The following SLC35D1 variants were observed in gnomAD, a reference collection of about 807,000 sequenced individuals.
SLC35D1 encodes solute carrier family 35 member D1, also known as nucleotide sugar transporter SLC35D1.
A neutral mutation model predicts 46.7 loss-of-function variants in SLC35D1; 31 were observed. The observed-to-expected ratio is 0.66, with a 90% CI of 0.50 to 0.90. The LOEUF (loss-of-function observed/expected upper bound fraction) is 0.90, where lower values mean the gene tolerates loss of function less well. Among genes scored for constraint, SLC35D1 ranks in the 40% least tolerant of loss-of-function variants. The pLI, the probability that SLC35D1 is intolerant of heterozygous loss-of-function variation, is 0.00. For missense variants in SLC35D1, 397 were observed against 426.2 expected, an observed-to-expected ratio of 0.93 and a Z score of 0.60; for synonymous variants, 195 against 164.6, an observed-to-expected ratio of 1.18 and a Z score of -1.41.
intron 11 of SLC35D1, among the ~76,000 whole-genome samples, chr1:67,005,291 C>A (rs1381381775): frequency 6.6e-6 from 1 of 152,156 alleles, no homozygotes; most frequent in South Asian, 2.1e-4. Context: ...TCATCTTCTG[C>A]CTAACCACTT....
At chr1:67,012,677 A>G (rs549890217) in intron 10 of SLC35D1, among the ~76,000 whole-genome samples, 65 of 152,292 alleles carry the variant, frequency 4.3e-4, no homozygotes, top group African/African-American at 1.4e-3. Flanking sequence ...TGACAAAATT[A>G]AAAGAGCAAA....
downstream of SLC35D1, among the ~76,000 whole-genome samples, chr1:66,997,378 A>T (rs1667248990): frequency 6.6e-6 from 1 of 150,772 alleles, no homozygotes; most frequent in African/African-American, 2.4e-5. Context: ...GGTGGTATGC[A>T]CCTCTACTCC....
At chr1:67,014,456 G>C (rs542576710) in intron 10 of SLC35D1, among the ~76,000 whole-genome samples, 2 of 151,930 alleles carry the variant, frequency 1.3e-5, no homozygotes, top group African/African-American at 4.8e-5. Context: ...AAAAACCAAA[G>C]CTATAAAGTC....
At chr1:66,995,479 A>C (rs569834937), downstream of SLC35D1, among the ~76,000 whole-genome samples, 1 of 108,384 alleles carries the variant, frequency 9.2e-6, no homozygotes, top group African/African-American at 3.9e-5. Flanking sequence ...AAAAAAAAAA[A>C]AAACAGACCA....
At chr1:67,011,599 C>A (rs986064805) in intron 10 of SLC35D1, among the ~76,000 whole-genome samples, 1 of 152,220 alleles carries the variant, frequency 6.6e-6, no homozygotes, top group South Asian at 2.1e-4. Flanking sequence ...CCTCCCACCT[C>A]AGCCTCCCAA....
chr1:67,041,740 T>C (rs1385166464), intron 8 of SLC35D1, among the ~76,000 whole-genome samples: 4 of 152,196 alleles, frequency 2.6e-5, no homozygotes, highest in Non-Finnish European at 5.9e-5. Flanking sequence ...AGTTGTTCTT[T>C]ATAAGGTTAA....
chr1:67,013,737 G>A (rs1018462816), intron 10 of SLC35D1, among the ~76,000 whole-genome samples: 22 of 152,250 alleles, frequency 1.4e-4, no homozygotes, highest in African/African-American at 4.8e-4. Context: ...ACTTGTGTGT[G>A]TGTGAGAGAT....
In SLC35D1 at chr1:67,053,904, A is replaced by G. The variant is rs763314522; in HGVS notation, c.110T>C (p.Leu37Pro). Residue 37 changes from leucine to proline, a missense_variant, in exon 1 of 12, where the codon CTG becomes CCG. By Grantham distance (98) the Leu-to-Pro change is moderately conservative. Coordinates refer to ENST00000235345, the MANE Select transcript of SLC35D1 (RefSeq NM_015139.3). The part of the protein sequence containing the change: ...EELGMASAET[L>P]TVFLKLLAAG... Reference sequence around the variant, plus strand: ...GGCCAGCAGCTTCAGAAACACGGTCAGCGTTTCGGCCGACGCCATCCCCAG... The same window carrying G: ...GGCCAGCAGCTTCAGAAACACGGTCGGCGTTTCGGCCGACGCCATCCCCAG... 1 of 1,613,772 alleles carries G rather than the reference A, an allele frequency of 6.2e-7. No homozygotes were observed. The highest frequency in any genetic ancestry group is 8.5e-7 in the Non-Finnish European group (1 of 1,179,726).
the SLC35D1 span, chr1:66,984,642 T>C: frequency 1.9e-6 from 3 of 1,613,838 alleles, no homozygotes; most frequent in East Asian, 2.2e-5. Flanking sequence ...TACACATTAA[T>C]GGACCAACAG....
chr1:67,019,909 C>G (rs1009227652), intron 10 of SLC35D1, among the ~76,000 whole-genome samples: 2 of 152,138 alleles, frequency 1.3e-5, no homozygotes, highest in Admixed American at 6.6e-5. Flanking sequence ...TTGGAAATGT[C>G]AGACACAGCT....
At chr1:67,029,862 G>C in intron 8 of SLC35D1, among the ~76,000 whole-genome samples, 1 of 152,128 alleles carries the variant, frequency 6.6e-6, no homozygotes. Flanking sequence ...CATTTTAACT[G>C]TTTCTTACAC....
At chr1:67,045,031 C>CAAA (rs919841257) in intron 7 of SLC35D1, among the ~76,000 whole-genome samples, 1 of 144,818 alleles carries the variant, frequency 6.9e-6, no homozygotes, top group African/African-American at 2.5e-5. Context: ...TGTACGGCAG[C>CAAA]AAAAAAAAAA....
At chr1:66,988,874 C>G in the SLC35D1 span, among the ~76,000 whole-genome samples, 8 of 152,180 alleles carry the variant, frequency 5.3e-5, no homozygotes, top group Admixed American at 5.2e-4. Context: ...TGCGGCATGC[C>G]CTGTTCTTCA....
In SLC35D1 at chr1:67,000,021, G is replaced by C. The variant is rs758329945; in HGVS notation, c.*4319C>G. 3 of 151,804 alleles carry C rather than the reference G, an allele frequency of 2.0e-5. No homozygotes were observed. The highest frequency in any genetic ancestry group is 4.4e-5 in the Non-Finnish European group (3 of 68,022). 9.4% of individuals were successfully genotyped at this position (151,804 alleles called of 1,614,324 possible). A position where few individuals can be genotyped will look rare whatever the true frequency, so the allele number is the denominator to read the frequency against. On this transcript the variant is annotated 3_prime_UTR_variant, in exon 12 of 12. Coordinates refer to ENST00000235345, the MANE Select transcript of SLC35D1 (RefSeq NM_015139.3). ...CATGTGGCACACACCTGTAATCCCA[G>C]CACTTTGGGAGGCTGAGACAGAAGG...
chr1:67,015,088 G>A (rs1273764423), intron 10 of SLC35D1, among the ~76,000 whole-genome samples: 2 of 136,906 alleles, frequency 1.5e-5, no homozygotes, highest in African/African-American at 2.7e-5. Context: ...AATTCCATAC[G>A]CAAAGTATAT....
At chr1:67,029,899 C>A (rs1015593700) in intron 8 of SLC35D1, among the ~76,000 whole-genome samples, 1 of 152,130 alleles carries the variant, frequency 6.6e-6, no homozygotes, top group Non-Finnish European at 1.5e-5. Context: ...TTCCTGCGCC[C>A]CACGCCCCAA....
chr1:67,020,001 A>C (rs957416184), intron 10 of SLC35D1, among the ~76,000 whole-genome samples: 2 of 152,192 alleles, frequency 1.3e-5, no homozygotes, highest in African/African-American at 4.8e-5. Flanking sequence ...CTTTCCCTAC[A>C]AAACAGCCAG....
chr1:67,035,805 C>CTTTTTTTTTTTTTTTTTTTTTTTTTTT (rs71058492), intron 8 of SLC35D1, among the ~76,000 whole-genome samples: 1 of 133,388 alleles, frequency 7.5e-6, no homozygotes, highest in African/African-American at 2.8e-5. Flanking sequence ...TGAAGTTTTT[C>CTTTTTTTTTTTTTTTTTTTTTTTTTTT]TTTTTTTTTT....
chr1:67,008,223 C>A (rs1189834208), intron 11 of SLC35D1: 1 of 154,322 alleles, frequency 6.5e-6, no homozygotes, highest in African/African-American at 2.4e-5. Flanking sequence ...ACTGCAACCT[C>A]CGCCTCCTGG....
Sources: gnomAD v4.1 joint callset for allele counts (sites outside exome capture counted in the v4.1 genomes callset) on GRCh38, gnomAD v4.1.1 for gene constraint, MANE v1.5 for transcripts, NCBI Gene and HGNC (gene_info 2026-07-23, HGNC 2026-07-21) for gene names.